ASTN2: variants seen among roughly 807,000 people sequenced by gnomAD.
The protein encoded by ASTN2 is astrotactin-2.
A neutral mutation model predicts 139.8 loss-of-function variants in ASTN2; 54 were observed. The observed-to-expected ratio is 0.39, with a 90% confidence interval of 0.31 to 0.48. ASTN2 has a LOEUF of 0.48. Among genes scored for constraint, ASTN2 ranks in the 20% least tolerant of loss-of-function variants. The pLI, the probability that ASTN2 is intolerant of heterozygous loss-of-function variation, is 0.95. For missense variants in ASTN2, 1,565 were observed against 1,725.1 expected, an observed-to-expected ratio of 0.91 and a Z score of 1.64; for synonymous variants, 756 against 719.5, an observed-to-expected ratio of 1.05 and a Z score of -0.81.
intron 16 of ASTN2, among the ~76,000 whole-genome samples, chr9:116,716,258 G>A (rs1012487250): frequency 1.3e-5 from 2 of 152,062 alleles, no homozygotes; most frequent in Admixed American, 6.6e-5. Flanking sequence ...GAGTGGGGAT[G>A]GTCTCCAGTG....
At chr9:117,032,386 A>G (rs955517611) in intron 6 of ASTN2, among the ~76,000 whole-genome samples, 5 of 152,186 alleles carry the variant, frequency 3.3e-5, no homozygotes, top group Non-Finnish European at 5.9e-5. Context: ...GCCATATTGT[A>G]CAGAACTTCC....
intron 13 of ASTN2, among the ~76,000 whole-genome samples, chr9:116,736,424 C>T (rs1347187738): frequency 6.6e-6 from 1 of 152,120 alleles, no homozygotes; most frequent in Non-Finnish European, 1.5e-5. Flanking sequence ...GACATCCTAG[C>T]ACTCCTCATC....
At chr9:117,094,323 C>T (rs991249688) in intron 5 of ASTN2, among the ~76,000 whole-genome samples, 3 of 151,786 alleles carry the variant, frequency 2.0e-5, no homozygotes, top group African/African-American at 7.3e-5. Flanking sequence ...TCATTCATCT[C>T]GAGGCCTGTA....
At chr9:116,971,993 C>T (rs941923144) in intron 10 of ASTN2, among the ~76,000 whole-genome samples, 4 of 152,116 alleles carry the variant, frequency 2.6e-5, no homozygotes, top group African/African-American at 9.7e-5. Flanking sequence ...TATGTTTAAT[C>T]AAAATATAGA....
At chr9:116,777,070 G>A (rs1346544790) in intron 13 of ASTN2, among the ~76,000 whole-genome samples, 1 of 152,140 alleles carries the variant, frequency 6.6e-6, no homozygotes, top group Non-Finnish European at 1.5e-5. Flanking sequence ...AACTGCCCCT[G>A]ATTCAAGCTG....
At chr9:116,790,988 AAAG>A (rs1247785721) in intron 13 of ASTN2, among the ~76,000 whole-genome samples, 4 of 109,254 alleles carry the variant, frequency 3.7e-5, no homozygotes, top group Non-Finnish European at 5.6e-5. Context: ...AGAAAGAAAG[AAAG>A]AAAGAAAGAA....
intron 1 of ASTN2, among the ~76,000 whole-genome samples, chr9:117,339,549 AAGAG>A (rs1217772088): frequency 6.6e-6 from 1 of 152,136 alleles, no homozygotes; most frequent in Admixed American, 6.5e-5. Flanking sequence ...AAAGAATAAA[AAGAG>A]AGAAACATCA....
Position 117,214,595 on chromosome 9 carries a change from G to A in ASTN2, c.778C>T (p.Leu260=), listed in dbSNP as rs1218321418. The A allele has an allele frequency of 1.2e-6, 2 of 1,606,550 alleles. No individual in the cohort carries two copies. The highest frequency in any genetic ancestry group is 4.5e-5 in the East Asian group (2 of 44,650). ...AAGCTCTCCCGCGCCTGGGGACCCA[G>A]CAGCACAGATGGGATGTAGTGGATC... The part of the protein sequence containing the change: ...HEIHYIPSVL[L]GPQARESFRS... The change falls in exon 3 of 23, where the codon CTG becomes TTG. Residue 260 remains leucine (L), a synonymous_variant. Transcript: ENST00000313400.
chr9:116,706,686 G>C (rs1469161834), intron 16 of ASTN2, among the ~76,000 whole-genome samples: 2 of 151,744 alleles, frequency 1.3e-5, no homozygotes, highest in Non-Finnish European at 2.9e-5. Context: ...CAAGCAGAGG[G>C]TCTAGGAGAT....
chr9:116,632,187 A>AGAGAGAGAGAGAGG (rs1564168867), intron 17 of ASTN2, among the ~76,000 whole-genome samples: 6 of 35,940 alleles, frequency 1.7e-4, no homozygotes, highest in Admixed American at 3.0e-4. Flanking sequence ...AGAGAGAGGG[A>AGAGAGAGAGAGAGG]GAGAGAGAGA....
intron 11 of ASTN2, among the ~76,000 whole-genome samples, chr9:116,821,793 G>A (rs766340643): frequency 6.6e-6 from 1 of 152,044 alleles, no homozygotes; most frequent in Non-Finnish European, 1.5e-5. Context: ...GAACGCTCTT[G>A]TCAGTGGGTC....
intron 16 of ASTN2, among the ~76,000 whole-genome samples, chr9:116,653,441 T>C (rs951811308): frequency 6.6e-6 from 1 of 152,234 alleles, no homozygotes; most frequent in African/African-American, 2.4e-5. Flanking sequence ...ATCAAAAACC[T>C]TGAAGAAGCA....
intron 11 of ASTN2, among the ~76,000 whole-genome samples, chr9:116,855,704 A>G (rs1433115392): frequency 6.6e-6 from 1 of 152,100 alleles, no homozygotes; most frequent in Non-Finnish European, 1.5e-5. Flanking sequence ...TTGGAGTTTG[A>G]CAGAGTTTGG....
chr9:117,144,320 C>T (rs954627385), intron 3 of ASTN2, among the ~76,000 whole-genome samples: 2 of 152,066 alleles, frequency 1.3e-5, no homozygotes, highest in Admixed American at 6.6e-5. Flanking sequence ...TTCCCTAATC[C>T]GAAAATCTGA....
At chr9:116,654,315 G>A (rs1004937096) in intron 16 of ASTN2, among the ~76,000 whole-genome samples, 1 of 152,186 alleles carries the variant, frequency 6.6e-6, no homozygotes, top group East Asian at 1.9e-4. Context: ...TAATCACAAA[G>A]CCTAAAAATA....
intron 13 of ASTN2, among the ~76,000 whole-genome samples, chr9:116,738,933 C>T (rs1427439045): frequency 6.6e-6 from 1 of 152,138 alleles, no homozygotes; most frequent in Non-Finnish European, 1.5e-5. Context: ...GTGGAGTCTG[C>T]TTTCAAGAAA....
intron 19 of ASTN2, among the ~76,000 whole-genome samples, chr9:116,537,516 G>A (rs1851693059): frequency 6.6e-6 from 1 of 152,128 alleles, no homozygotes; most frequent in African/African-American, 2.4e-5. Context: ...GTATACATGT[G>A]GTAGGAACCC....
intron 16 of ASTN2, among the ~76,000 whole-genome samples, chr9:116,696,882 A>G (rs1318834902): frequency 6.6e-6 from 1 of 151,288 alleles, no homozygotes; most frequent in Non-Finnish European, 1.5e-5. Context: ...ACTAATCATC[A>G]CAATTTTCTG....
At chr9:117,347,434 T>C (rs1350751095) in intron 1 of ASTN2, among the ~76,000 whole-genome samples, 2 of 151,992 alleles carry the variant, frequency 1.3e-5, no homozygotes, top group African/African-American at 4.8e-5. Flanking sequence ...CACTGCATGC[T>C]AGATACGGCT....
Sources: allele counts gnomAD v4.1 joint callset (sites outside exome capture counted in the v4.1 genomes callset), GRCh38; gene constraint gnomAD v4.1.1; transcripts MANE v1.5; gene names NCBI Gene and HGNC (gene_info 2026-07-23, HGNC 2026-07-21).